The following HELZ variants were observed in gnomAD, a reference collection of about 807,000 sequenced individuals.
HELZ encodes ATP-dependent RNA helicase with zinc finger domain.
In HELZ, 23 loss-of-function variants were observed where a neutral mutation model predicts 218.2. That is an observed-to-expected ratio of 0.11 (90% CI 0.08 to 0.15). The LOEUF (loss-of-function observed/expected upper bound fraction) is 0.15, where lower values mean the gene tolerates loss of function less well. Ranked by LOEUF, HELZ falls within the 10% of genes least tolerant of loss-of-function variation. HELZ has a pLI of 1.00. For synonymous variants in HELZ, 814 were observed against 829.4 expected (o/e 0.98, Z 0.32); for missense variants, 1,813 against 2,353.7 (o/e 0.77, Z 4.75).
intron 31 of HELZ, among the ~76,000 whole-genome samples, chr17:67,094,969 A>C (rs577223149): frequency 6.6e-6 from 1 of 152,342 alleles, no homozygotes; most frequent in South Asian, 2.1e-4. Flanking sequence ...TTCTTAAAAT[A>C]AGACAATAAT....
Position 67,138,133 on chromosome 17 carries a change from A to G in HELZ, c.2770-19T>C. On this transcript the variant is annotated intron_variant, in intron 21 of 32. Transcript: ENST00000358691. ...CAAACACCTTTAAAAACAAACACAC[A>G]CATACATATTAAAGTTATCACCAAT... 2 of 1,580,390 alleles carry G rather than the reference A, an allele frequency of 1.3e-6. No homozygotes were observed. The highest frequency in any genetic ancestry group is 1.7e-6 in the Non-Finnish European group (2 of 1,159,602).
intron 7 of HELZ, among the ~76,000 whole-genome samples, chr17:67,198,168 C>T (rs765238019): frequency 2.0e-5 from 3 of 151,890 alleles, no homozygotes; most frequent in Non-Finnish European, 2.9e-5. Context: ...ATCAAATGTG[C>T]AAGAAAAATA....
At chr17:67,235,746 ACTCT>A (rs1376833864) in intron 3 of HELZ, among the ~76,000 whole-genome samples, 1 of 101,184 alleles carries the variant, frequency 9.9e-6, no homozygotes, top group African/African-American at 4.0e-5. Context: ...TTGACCACAC[ACTCT>A]TTTTTTTTTT....
intron 3 of HELZ, among the ~76,000 whole-genome samples, chr17:67,236,664 A>T (rs991451877): frequency 1.3e-4 from 20 of 152,256 alleles, no homozygotes; most frequent in Admixed American, 1.3e-3. Context: ...ACTATAATGT[A>T]TCATAATTTA....
Position 67,086,883 on chromosome 17 carries a change from G to C in HELZ, c.5440C>G (p.Gln1814Glu). The change falls in exon 32 of 33, where the codon CAG (glutamine) becomes GAG (glutamate). Residue 1814 changes from glutamine to glutamate, a missense_variant. This residue lies in a region of HELZ where 938 missense variants were observed against 1,027.5 expected (regional missense o/e 0.91). Coordinates refer to ENST00000358691, the MANE Select transcript of HELZ (RefSeq NM_014877.4). ...CTGGATCCATTGCACGGAATGTTCTGATAAGGAGTAGATGAGGTGGTGTTT... is the reference window on the plus strand; with the variant it reads ...CTGGATCCATTGCACGGAATGTTCTCATAAGGAGTAGATGAGGTGGTGTTT... ...WVNTTSSTPY[Q>E]NIPCNGSSRT... The C allele has an allele frequency of 2.5e-6, 4 of 1,613,574 alleles. No individual in the cohort carries two copies. The highest frequency in any genetic ancestry group is 3.4e-6 in the Non-Finnish European group (4 of 1,179,932).
At chr17:67,221,925 C>A in intron 3 of HELZ, among the ~76,000 whole-genome samples, 1 of 151,584 alleles carries the variant, frequency 6.6e-6, no homozygotes, top group African/African-American at 2.4e-5. Context: ...GCTCCTGCTG[C>A]CACACACTTG....
intron 23 of HELZ, among the ~76,000 whole-genome samples, chr17:67,134,784 A>G (rs886541101): frequency 6.6e-6 from 1 of 152,140 alleles, no homozygotes; most frequent in Non-Finnish European, 1.5e-5. Flanking sequence ...CCATGTCCTA[A>G]TAGTTTTGTC....
chr17:67,196,433 A>G lies in HELZ; in HGVS notation c.430-963T>C, dbSNP rs556015455. The stretch of plus-strand genomic sequence containing the variant: ...TACATGCTAGATCGTTATCAGCGAT[A>G]TACACATCTGCTGTCAGCAGTCTGT... On this transcript the variant is annotated intron_variant, in intron 7 of 32. Coordinates refer to ENST00000358691, the MANE Select transcript of HELZ (RefSeq NM_014877.4). Among the ~76,000 whole-genome samples the G allele has an allele frequency of 2.0e-5, 3 of 152,354 alleles. No individual in the cohort carries two copies. The South Asian group carries it at 6.2e-4, about 32-fold the overall frequency.
At chr17:67,240,614 C>A (rs192581654) in intron 2 of HELZ, among the ~76,000 whole-genome samples, 112 of 152,234 alleles carry the variant, frequency 7.4e-4, no homozygotes, top group African/African-American at 2.6e-3. Context: ...GACAAGAACA[C>A]CTAAAATATA....
At chr17:67,119,547 A>G (rs2037533444) in intron 27 of HELZ, among the ~76,000 whole-genome samples, 1 of 152,178 alleles carries the variant, frequency 6.6e-6, no homozygotes, top group African/African-American at 2.4e-5. Context: ...ATTTTGGTGG[A>G]AGTTAACAAC....
intron 14 of HELZ, 96 bp from the exon 15 acceptor site, chr17:67,166,704 G>A (rs2039156534): frequency 2.0e-6 from 2 of 999,630 alleles, no homozygotes; most frequent in East Asian, 2.5e-5. Context: ...GTTTGGGACA[G>A]TAAGTTTAGA....
intron 31 of HELZ, among the ~76,000 whole-genome samples, chr17:67,105,196 T>G (rs2037063522): frequency 6.6e-6 from 1 of 152,172 alleles, no homozygotes; most frequent in Non-Finnish European, 1.5e-5. Context: ...GGTTATAATT[T>G]TTTTTACAAA....
chr17:67,137,868 C>A, intron 22 of HELZ, 63 bp downstream of exon 22: 4 of 1,200,582 alleles, frequency 3.3e-6, no homozygotes, highest in South Asian at 2.1e-5. Context: ...ACTAAAAATC[C>A]AATGTGAACA....
chr17:67,155,015 C>G (rs765476675), intron 17 of HELZ, among the ~76,000 whole-genome samples: 16 of 152,140 alleles, frequency 1.1e-4, no homozygotes, highest in Non-Finnish European at 1.9e-4. Flanking sequence ...AAATTCCACC[C>G]ATCCCCCAGA....
At position 67,148,744 on chromosome 17, in the gene HELZ, T is replaced by G. The variant is rs374109336; in HGVS notation, c.2476-30A>C. 19 of 1,574,988 alleles carry G rather than the reference T, an allele frequency of 1.2e-5. No homozygotes were observed. In the African/African-American group the frequency reaches 2.5e-4, roughly 20 times the overall value. On this transcript the variant is annotated intron_variant, in intron 19 of 32. Transcript: ENST00000358691. The stretch of plus-strand genomic sequence containing the variant: ...AACAGACAAACATACAGAGAAAGTT[T>G]AACTGAACATACAAATAGTATTTTT...
chr17:67,107,256 C>G lies in HELZ; in HGVS notation c.5154G>C (p.Gln1718His), dbSNP rs2143736557. Residue 1718 changes from glutamine (Q) to histidine (H), a missense_variant, in exon 31 of 33, where the codon CAG becomes CAC. This residue lies in a region of HELZ where 938 missense variants were observed against 1,027.5 expected (regional missense o/e 0.91). Transcript: ENST00000358691. Reference sequence around the variant, plus strand: ...CTTGACCAATAGCATGTTGATGATTCTGTATTTGTACAAAAGGGTTCTGCG... The same window carrying G: ...CTTGACCAATAGCATGTTGATGATTGTGTATTTGTACAAAAGGGTTCTGCG... Reference protein sequence around the residue: ...RPPQNPFVQIQNHQHAIGQEP... With the variant: ...RPPQNPFVQIHNHQHAIGQEP... 6.2e-7 allele frequency: 1 copy of G among 1,614,112 alleles called. No individual in the cohort carries two copies. Among genetic ancestry groups the G allele is most frequent in the Non-Finnish European group, 8.5e-7 (1 of 1,180,010 alleles).
intron 27 of HELZ, among the ~76,000 whole-genome samples, chr17:67,115,797 A>C (rs1179531738): frequency 6.6e-6 from 1 of 152,180 alleles, no homozygotes; most frequent in African/African-American, 2.4e-5. Flanking sequence ...GACCTGCAAT[A>C]CAACAAATAT....
chr17:67,161,372 T>C (rs1280915512), intron 15 of HELZ, among the ~76,000 whole-genome samples: 1 of 152,232 alleles, frequency 6.6e-6, no homozygotes, highest in Non-Finnish European at 1.5e-5. Context: ...GCCAGGTCTT[T>C]AAGTAGAAAT....
chr17:67,195,010 G>A (rs1164318229), intron 8 of HELZ, among the ~76,000 whole-genome samples: 1 of 152,140 alleles, frequency 6.6e-6, no homozygotes, highest in Non-Finnish European at 1.5e-5. Context: ...CTTTCCTCTG[G>A]TGAGAGGAGA....
Sources: gnomAD v4.1 joint callset for allele counts (sites outside exome capture counted in the v4.1 genomes callset) on GRCh38, gnomAD v4.1.1 for gene constraint, gnomAD v4.1.1 regional missense constraint, MANE v1.5 for transcripts, NCBI Gene and HGNC (gene_info 2026-07-23, HGNC 2026-07-21) for gene names.